The following SNAPC3 variants were observed in gnomAD, a reference collection of about 807,000 sequenced individuals.
SNAPC3 encodes small nuclear RNA activating complex polypeptide 3.
In SNAPC3, 56 loss-of-function variants were observed where a neutral mutation model predicts 47.7. That is an observed-to-expected ratio of 1.18 (90% CI 0.95 to 1.47). The LOEUF is 1.47. SNAPC3 is among the 40% of genes most tolerant of loss of function. The probability of loss-of-function intolerance (pLI) is 0.00; values close to 1 mark genes in which losing one functional copy is unlikely to be tolerated. For synonymous variants in SNAPC3, 235 were observed against 189.9 expected, an observed-to-expected ratio of 1.24 and a Z score of -1.95; for missense variants, 665 against 511.3, an observed-to-expected ratio of 1.30 and a Z score of -2.90.
intron 3 of SNAPC3, among the ~76,000 whole-genome samples, chr9:15,436,064 G>A (rs1394470813): frequency 2.0e-5 from 3 of 152,058 alleles, no homozygotes; most frequent in Admixed American, 6.5e-5. Context: ...GGATGGTCTC[G>A]AACTCCTGAC....
chr9:15,465,383 C>CA, downstream of SNAPC3: 1 of 716,294 alleles, frequency 1.4e-6, no homozygotes, highest in Non-Finnish European at 2.3e-6. Context: ...TACTTTAAAA[C>CA]AAAGGGATTT....
chr9:15,433,729 A>C, intron 3 of SNAPC3, 93 bp downstream of exon 3: 1 of 768,822 alleles, frequency 1.3e-6, no homozygotes, highest in Admixed American at 2.4e-5. Flanking sequence ...GTAGCTTTAT[A>C]CTGGATATGC....
At chr9:15,431,673 G>C (rs1189526560) in intron 2 of SNAPC3, among the ~76,000 whole-genome samples, 1 of 152,016 alleles carries the variant, frequency 6.6e-6, no homozygotes, top group East Asian at 1.9e-4. Context: ...AAGAGGGAGT[G>C]ACACTTTTGA....
At chr9:15,457,819 A>T in intron 7 of SNAPC3, 141 bp from the exon 8 acceptor site, 1 of 574,836 alleles carries the variant, frequency 1.7e-6, no homozygotes, top group Non-Finnish European at 3.0e-6. Context: ...TGGCATAACA[A>T]GTAATTCAGC....
chr9:15,465,256 T>C, downstream of SNAPC3: 2 of 392,178 alleles, frequency 5.1e-6, no homozygotes, highest in Non-Finnish European at 9.0e-6. Flanking sequence ...ATTGAAAATA[T>C]GCTACAACCA....
At chr9:15,434,527 C>A (rs1587219673) in intron 3 of SNAPC3, among the ~76,000 whole-genome samples, 1 of 151,974 alleles carries the variant, frequency 6.6e-6, no homozygotes, top group East Asian at 1.9e-4. Context: ...CCTGCCTCAG[C>A]CTTTTAAGCA....
At chr9:15,427,752 T>C (rs911498931) in intron 2 of SNAPC3, among the ~76,000 whole-genome samples, 3 of 152,138 alleles carry the variant, frequency 2.0e-5, no homozygotes, top group African/African-American at 7.2e-5. Context: ...GGATGTACTG[T>C]TTAAAGGTTA....
At chr9:15,456,387 C>A (rs1325563983) in intron 7 of SNAPC3, among the ~76,000 whole-genome samples, 7 of 152,136 alleles carry the variant, frequency 4.6e-5, no homozygotes, top group African/African-American at 1.4e-4. Context: ...AAAACATGAC[C>A]ATTAAACTCA....
chr9:15,433,526 T>A, intron 2 of SNAPC3, 26 bp from the exon 3 acceptor site: 1 of 1,412,380 alleles, frequency 7.1e-7, no homozygotes, highest in Non-Finnish European at 9.8e-7. Context: ...ACTTTGATTT[T>A]TTTTTTTCTT....
chr9:15,440,211 C>G (rs1385866366), intron 3 of SNAPC3, among the ~76,000 whole-genome samples: 2 of 152,158 alleles, frequency 1.3e-5, no homozygotes, highest in Non-Finnish European at 2.9e-5. Context: ...GAGTGAGTTA[C>G]AAACCAAAAG....
At chr9:15,465,680 G>T, downstream of SNAPC3, 2 of 950,900 alleles carry the variant, frequency 2.1e-6, no homozygotes, top group Non-Finnish European at 3.1e-6. Flanking sequence ...CCCATGAAAA[G>T]ACTGAAACCA....
At chr9:15,440,720 C>T (rs926524832) in intron 3 of SNAPC3, among the ~76,000 whole-genome samples, 6 of 152,016 alleles carry the variant, frequency 3.9e-5, no homozygotes, top group Admixed American at 6.6e-5. Flanking sequence ...GAGGCCGAGG[C>T]GGGCGGATCA....
chr9:15,439,311 T>C (rs1056030955), intron 3 of SNAPC3, among the ~76,000 whole-genome samples: 38 of 152,338 alleles, frequency 2.5e-4, no homozygotes, highest in African/African-American at 8.9e-4. Context: ...TTTATATAAG[T>C]TTATAATTGT....
At chr9:15,438,517 G>C (rs2033032037) in intron 3 of SNAPC3, among the ~76,000 whole-genome samples, 1 of 151,674 alleles carries the variant, frequency 6.6e-6, no homozygotes, top group Non-Finnish European at 1.5e-5. Context: ...TTTGGGTTTA[G>C]TTTATTCTTA....
At chr9:15,425,270 G>C (rs1587134091) in intron 2 of SNAPC3, among the ~76,000 whole-genome samples, 1 of 152,164 alleles carries the variant, frequency 6.6e-6, no homozygotes, top group Non-Finnish European at 1.5e-5. Flanking sequence ...CCAGGCTGGA[G>C]TGCAGTGGCG....
chr9:15,451,280 A>T, intron 5 of SNAPC3, 40 bp from the exon 6 acceptor site: 1 of 798,556 alleles, frequency 1.3e-6, no homozygotes, highest in Non-Finnish European at 2.0e-6. Context: ...CATCATTGTT[A>T]ATAGTTGATT....
chr9:15,463,641 T>A (rs78117985), downstream of SNAPC3: 4 of 152,040 alleles, frequency 2.6e-5, no homozygotes, highest in African/African-American at 7.3e-5. Flanking sequence ...TTAAGTCTTA[T>A]GAATAATTAT....
chr9:15,442,091 G>A (rs1318273959), intron 3 of SNAPC3, among the ~76,000 whole-genome samples: 1 of 150,672 alleles, frequency 6.6e-6, no homozygotes, highest in Non-Finnish European at 1.5e-5. Flanking sequence ...CCCGGACGGG[G>A]CGGCTGGCCA....
intron 8 of SNAPC3, among the ~76,000 whole-genome samples, chr9:15,459,213 T>C (rs2035017413): frequency 6.6e-6 from 1 of 152,238 alleles, no homozygotes; most frequent in South Asian, 2.1e-4. Flanking sequence ...ATGTTGCCCA[T>C]ATTGCTATTT....
Sources: allele counts gnomAD v4.1 joint callset (sites outside exome capture counted in the v4.1 genomes callset), GRCh38; gene constraint gnomAD v4.1.1; transcripts MANE v1.5; gene names NCBI Gene and HGNC (gene_info 2026-07-23, HGNC 2026-07-21).